CYYR1: variants seen among roughly 807,000 people sequenced by gnomAD.
The protein encoded by CYYR1 is cysteine and tyrosine-rich protein 1.
Under a neutral mutation model 15.2 loss-of-function variants are expected in CYYR1, and 14 were observed. The ratio of observed to expected loss-of-function variants is 0.92; its 90% CI spans 0.61 to 1.44. The LOEUF is 1.44. Ranked by LOEUF, CYYR1 falls within the 40% of genes most tolerant of loss-of-function variation. The pLI is 0.00. For missense variants in CYYR1, 228 were observed against 209.5 expected (o/e 1.09, Z -0.54); for synonymous variants, 80 against 77.4 (o/e 1.03, Z -0.18).
At chr21:26,472,126 C>T (rs542745286) in intron 3 of CYYR1, among the ~76,000 whole-genome samples, 188 of 152,262 alleles carry the variant, frequency 1.2e-3, no homozygotes, top group African/African-American at 4.3e-3. Flanking sequence ...GTCATTTGTG[C>T]GTAGTTGCAT....
At chr21:26,564,669 G>A (rs768139016) in intron 2 of CYYR1, 512 of 1,059,048 alleles carry the variant, frequency 4.8e-4, no homozygotes, top group Non-Finnish European at 5.6e-4. Context: ...CAGGGTGGAG[G>A]TAGCTATGGA....
chr21:26,495,409 A>C (rs1032047651), intron 2 of CYYR1, among the ~76,000 whole-genome samples: 3 of 152,176 alleles, frequency 2.0e-5, no homozygotes, highest in African/African-American at 4.8e-5. Flanking sequence ...GGGCCATGTG[A>C]CTAACTTTTC....
chr21:26,558,368 TGA>T (rs1020509900), intron 2 of CYYR1, among the ~76,000 whole-genome samples: 2 of 152,216 alleles, frequency 1.3e-5, no homozygotes, highest in African/African-American at 4.8e-5. Flanking sequence ...AACAATTTTT[TGA>T]GACAGGGTCT....
Position 26,562,759 on chromosome 21 carries a change from C to G in CYYR1, c.176+3507G>C, listed in dbSNP as rs796890294. On this transcript the variant is annotated intron_variant, in intron 2 of 3. Coordinates refer to ENST00000652641, the MANE Select transcript of CYYR1 (RefSeq NM_001320768.2). ...ACACACACACACACACACACACACA[C>G]AGAGACATACACAAACACACACACA... is the stretch of plus-strand genomic sequence containing the variant. 4.7e-3 allele frequency among the ~76,000 whole-genome samples: 559 copies of G among 120,002 alleles called. 3 individuals carry two copies. Among genetic ancestry groups the G allele is most frequent in the African/African-American group, 0.017 (478 of 27,676 alleles). 78.7% of individuals were successfully genotyped at this position (120,002 alleles called of 152,430 possible).
chr21:26,533,420 T>C (rs991961230), intron 2 of CYYR1, among the ~76,000 whole-genome samples: 1 of 152,036 alleles, frequency 6.6e-6, no homozygotes, highest in African/African-American at 2.4e-5. Context: ...GTGGTATAAG[T>C]TCTGGAGCTC....
intron 2 of CYYR1, chr21:26,564,755 A>G (rs1212956057): frequency 8.1e-7 from 1 of 1,230,686 alleles, no homozygotes; most frequent in East Asian, 5.8e-5. Flanking sequence ...CAGATGACCA[A>G]AGAATCACAG....
intron 2 of CYYR1, among the ~76,000 whole-genome samples, chr21:26,535,724 G>C (rs543092397): frequency 6.6e-6 from 1 of 152,026 alleles, no homozygotes; most frequent in Non-Finnish European, 1.5e-5. Flanking sequence ...ACAGTGAGTC[G>C]GTGGCCACTC....
chr21:26,526,125 T>C (rs947916149), intron 2 of CYYR1, among the ~76,000 whole-genome samples: 2 of 152,066 alleles, frequency 1.3e-5, no homozygotes, highest in Admixed American at 6.6e-5. Flanking sequence ...CAAGTTTACT[T>C]ATGTAACAAA....
chr21:26,480,144 A>G, intron 3 of CYYR1, 128 bp downstream of exon 3: 2 of 930,306 alleles, frequency 2.1e-6, no homozygotes. Context: ...TTCAATCTAC[A>G]TGTACCTAGA....
intron 3 of CYYR1, among the ~76,000 whole-genome samples, chr21:26,478,624 A>C (rs2065133378): frequency 6.6e-6 from 1 of 152,158 alleles, no homozygotes; most frequent in Non-Finnish European, 1.5e-5. Flanking sequence ...TTCTGAGCAC[A>C]GGAGTAATAC....
At chr21:26,568,268 G>T (rs1003404015) in intron 1 of CYYR1, 3 of 152,144 alleles carry the variant, frequency 2.0e-5, no homozygotes, top group African/African-American at 4.8e-5. Context: ...CAAGGGCTTA[G>T]TGGGGATGTT....
At chr21:26,497,607 A>G (rs1045900432) in intron 2 of CYYR1, among the ~76,000 whole-genome samples, 1 of 152,176 alleles carries the variant, frequency 6.6e-6, no homozygotes, top group Non-Finnish European at 1.5e-5. Context: ...GGGCTAAGAA[A>G]TATAATTTGC....
In CYYR1 at chr21:26,493,537, A is replaced by G. The variant is rs577674906; in HGVS notation, c.177-13108T>C. On this transcript the variant is annotated intron_variant, in intron 2 of 3. Transcript: ENST00000652641. ...TAAAGGACTATTACAACTCTATCCT[A>G]TTCCAAGTCACCCAAAGCTACTGGA... is the stretch of plus-strand genomic sequence containing the variant. 2.6e-5 allele frequency among the ~76,000 whole-genome samples: 4 copies of G among 152,336 alleles called. No homozygotes were observed. In the South Asian group the frequency reaches 8.3e-4, roughly 32 times the overall value.
chr21:26,475,099 T>C (rs527669680), intron 3 of CYYR1, among the ~76,000 whole-genome samples: 1 of 152,202 alleles, frequency 6.6e-6, no homozygotes, highest in Non-Finnish European at 1.5e-5. Context: ...TCACTTTGAG[T>C]AAATGACCAT....
intron 2 of CYYR1, among the ~76,000 whole-genome samples, chr21:26,506,254 G>A (rs1396470282): frequency 6.6e-6 from 1 of 151,956 alleles, no homozygotes. Context: ...TTAATTCTAG[G>A]TCACCACGCC....
intron 2 of CYYR1, among the ~76,000 whole-genome samples, chr21:26,519,479 G>A (rs973275951): frequency 2.0e-5 from 3 of 152,100 alleles, no homozygotes; most frequent in African/African-American, 7.2e-5. Flanking sequence ...AAGTCAATGT[G>A]GCTGAAGGAA....
chr21:26,553,855 T>C (rs975869704), intron 2 of CYYR1, among the ~76,000 whole-genome samples: 4 of 152,314 alleles, frequency 2.6e-5, no homozygotes, highest in Admixed American at 1.3e-4. Flanking sequence ...TATATTATGC[T>C]GGTGGTGTAA....
chr21:26,512,857 C>A (rs917141073), intron 2 of CYYR1, among the ~76,000 whole-genome samples: 1 of 152,104 alleles, frequency 6.6e-6, no homozygotes, highest in African/African-American at 2.4e-5. Flanking sequence ...GAATGGGACC[C>A]CTGGAGTTGG....
intron 2 of CYYR1, among the ~76,000 whole-genome samples, chr21:26,498,571 C>A (rs2123467958): frequency 6.6e-6 from 1 of 152,222 alleles, no homozygotes; most frequent in Admixed American, 6.5e-5. Flanking sequence ...TTGTGAAGGG[C>A]CTTATGAGCC....
Sources: gnomAD v4.1 joint callset for allele counts (sites outside exome capture counted in the v4.1 genomes callset) on GRCh38, gnomAD v4.1.1 for gene constraint, MANE v1.5 for transcripts, NCBI Gene and HGNC (gene_info 2026-07-23, HGNC 2026-07-21) for gene names.